PFKM: variants seen among roughly 807,000 people sequenced by gnomAD.
PFKM encodes phosphofructokinase, muscle, also known as ATP-dependent 6-phosphofructokinase, muscle type.
A neutral mutation model predicts 95.5 loss-of-function variants in PFKM; 58 were observed. That is an observed-to-expected ratio of 0.61 (90% confidence interval 0.49 to 0.76). PFKM has a LOEUF of 0.76. Among genes scored for constraint, PFKM ranks in the 30% least tolerant of loss-of-function variants. PFKM has a pLI of 0.00. For missense variants in PFKM, 678 were observed against 1,005.4 expected (o/e 0.67, Z 4.40); for synonymous variants, 336 against 357.2 (o/e 0.94, Z 0.67).
intron 10 of PFKM, among the ~76,000 whole-genome samples, chr12:48,136,468 G>A (rs563463425): frequency 6.6e-6 from 1 of 152,214 alleles, no homozygotes; most frequent in South Asian, 2.1e-4. Context: ...GGGATAAAGC[G>A]ACTATGAACA....
intron 20 of PFKM, 104 bp from the exon 21 acceptor site, chr12:48,144,927 C>A: frequency 1.2e-6 from 1 of 832,786 alleles, no homozygotes; most frequent in Non-Finnish European, 2.0e-6. Flanking sequence ...CTGTTTTGGG[C>A]TGTAAGCCTG....
At chr12:48,141,622 C>T (rs1055003377) in intron 15 of PFKM, 118 bp from the exon 16 acceptor site, 1 of 875,734 alleles carries the variant, frequency 1.1e-6, no homozygotes, top group East Asian at 2.4e-5. Flanking sequence ...GAGGGCGGCA[C>T]AGGTCAAGAA....
At chr12:48,132,688 T>TATG (rs2135880956) in intron 4 of PFKM, 180 bp from the exon 5 acceptor site, 1 of 651,816 alleles carries the variant, frequency 1.5e-6, no homozygotes, top group African/African-American at 1.8e-5. Context: ...GGAATGACCC[T>TATG]ATGATGCCTC....
chr12:48,133,895 G>A (rs1055734192), intron 6 of PFKM, among the ~76,000 whole-genome samples: 1 of 152,172 alleles, frequency 6.6e-6, no homozygotes, highest in South Asian at 2.1e-4. Context: ...GAGGATAGAA[G>A]GGTAACAGTT....
upstream of PFKM, among the ~76,000 whole-genome samples, chr12:48,116,965 T>C (rs1200584150): frequency 6.6e-6 from 1 of 152,254 alleles, no homozygotes; most frequent in Non-Finnish European, 1.5e-5. Flanking sequence ...GTATCTGTTA[T>C]AGCATCATAC....
chr12:48,127,728 G>A (rs73302829), intron 2 of PFKM, among the ~76,000 whole-genome samples: 1,656 of 152,234 alleles, frequency 0.011, 41 homozygotes, highest in African/African-American at 0.038. Flanking sequence ...GATACAGATC[G>A]CATCATGTCC....
At chr12:48,113,961 G>A (rs1057467195) in intron 3 of PFKM, among the ~76,000 whole-genome samples, 9 of 152,060 alleles carry the variant, frequency 5.9e-5, no homozygotes, top group Admixed American at 2.0e-4. Context: ...TCTTTACCTC[G>A]GGTAGTTTCT....
chr12:48,142,940 C>G lies in PFKM; in HGVS notation c.1812C>G (p.Asp604Glu). The G allele has an allele frequency of 6.2e-7, 1 of 1,613,652 alleles. No homozygotes were observed. The highest frequency in any genetic ancestry group is 8.5e-7 in the Non-Finnish European group (1 of 1,179,966). ...TTGAGGAGCCCTTCACCATTCGAGA[C>G]CTGCAGGTAGCTGGCCACCCAGAGC... is the stretch of plus-strand genomic sequence containing the variant. The part of the protein sequence containing the change: ...YIFEEPFTIR[D>E]LQANVEHLVQ... Residue 604 changes from aspartate (D) to glutamate (E), a missense_variant, in exon 18 of 23, where the codon GAC becomes GAG. Coordinates refer to ENST00000359794, the MANE Select transcript of PFKM (RefSeq NM_000289.6).
intron 3 of PFKM, among the ~76,000 whole-genome samples, chr12:48,110,605 G>A (rs555956604): frequency 5.9e-5 from 9 of 152,292 alleles, no homozygotes; most frequent in Middle Eastern, 3.4e-3. Context: ...CTGGCCTGAT[G>A]TCTTTCTGCT....
intron 2 of PFKM, among the ~76,000 whole-genome samples, chr12:48,125,022 T>G (rs1948683889): frequency 6.6e-6 from 1 of 152,144 alleles, no homozygotes; most frequent in African/African-American, 2.4e-5. Flanking sequence ...GGTCACAGCT[T>G]TGTCATTCTC....
At chr12:48,127,400 A>T (rs1385845686) in intron 2 of PFKM, among the ~76,000 whole-genome samples, 1 of 152,014 alleles carries the variant, frequency 6.6e-6, no homozygotes, top group Non-Finnish European at 1.5e-5. Context: ...TGAATGTATC[A>T]CCCCCACTGC....
Position 48,145,438 on chromosome 12 carries a change from C to T in PFKM, c.2198+123C>T. 7.8e-7 allele frequency: 1 copy of T among 1,281,976 alleles called. No homozygotes were observed. Among genetic ancestry groups the T allele is most frequent in the South Asian group, 1.2e-5 (1 of 81,458 alleles). 79.4% of individuals were successfully genotyped at this position (1,281,976 alleles called of 1,614,324 possible). Reference sequence around the variant, plus strand: ...AAGGAGTAACACCTGTATTCTTACCCATTTCAGATGTGATGCACATGTCCT... The same window carrying T: ...AAGGAGTAACACCTGTATTCTTACCTATTTCAGATGTGATGCACATGTCCT... On this transcript the variant is annotated intron_variant, in intron 22 of 22. Transcript: ENST00000359794. The surrounding 1 kb of genome is among the most constrained non-coding windows in gnomAD (Gnocchi z 4.3).
chr12:48,144,015 G>A, intron 19 of PFKM, 31 bp from the exon 20 acceptor site: 1 of 1,469,208 alleles, frequency 6.8e-7, no homozygotes, highest in Non-Finnish European at 9.5e-7. Context: ...GCCAACCACA[G>A]AGTCACAGGC....
chr12:48,135,075 A>G (rs1208281783), intron 9 of PFKM, 37 bp downstream of exon 9: 2 of 1,471,422 alleles, frequency 1.4e-6, no homozygotes, highest in Admixed American at 1.7e-5. Context: ...CTTAGAATCC[A>G]TAGCCCATTC....
At position 48,145,614 on chromosome 12, in the gene PFKM, A is replaced by G. The variant is rs1174677267; in HGVS notation, c.2249A>G (p.Lys750Arg). The change falls in exon 23 of 23, where the codon AAA becomes AGA. Residue 750 changes from lysine (K) to arginine (R), a missense_variant. Coordinates refer to ENST00000359794, the MANE Select transcript of PFKM (RefSeq NM_000289.6). The surrounding 1 kb of genome is among the most constrained non-coding windows in gnomAD (Gnocchi z 4.3). ...TGGCTGAAACTGAGGCCCATCCTCA[A>G]AATCCTAGCCAAGTACGAGATTGAC... ...QWWLKLRPILKILAKYEIDLD... is the reference protein window; with the variant it reads ...QWWLKLRPILRILAKYEIDLD... 1 of 1,614,136 alleles carries G rather than the reference A, an allele frequency of 6.2e-7. No individual in the cohort carries two copies. The highest frequency in any genetic ancestry group is 1.3e-5 in the African/African-American group (1 of 75,022).
rs578199434 is a variant in PFKM at position 48,122,511 on chromosome 12, A to G, written c.-8-256A>G. The G allele has an allele frequency of 6.5e-5, 75 of 1,151,686 alleles. 1 individual carries two copies. In the South Asian group the frequency reaches 1.1e-3, roughly 17 times the overall value. 71.3% of individuals were successfully genotyped at this position (1,151,686 alleles called of 1,614,324 possible). On this transcript the variant is annotated intron_variant, in intron 1 of 22. Transcript: ENST00000359794. ...TAGTTTATTCCCCAAATAGGTTCCA[A>G]TTGGGGTGGGAGGGATCAGGGAGGA...
At chr12:48,116,340 G>T (rs1268058746), upstream of PFKM, among the ~76,000 whole-genome samples, 2 of 149,964 alleles carry the variant, frequency 1.3e-5, no homozygotes, top group East Asian at 2.0e-4. Context: ...TAATGGATAT[G>T]AAGTAGTATT....
chr12:48,124,449 T>C (rs1475012312), intron 2 of PFKM, among the ~76,000 whole-genome samples: 1 of 152,182 alleles, frequency 6.6e-6, no homozygotes, highest in Non-Finnish European at 1.5e-5. Context: ...GAAAGCCTGC[T>C]AAACAAACCA....
At chr12:48,109,492 T>C (rs1268786687) in intron 3 of PFKM, among the ~76,000 whole-genome samples, 2 of 152,194 alleles carry the variant, frequency 1.3e-5, no homozygotes, top group Non-Finnish European at 2.9e-5. Context: ...TTTCCTATTG[T>C]TTATTGAATT....
Sources: allele counts gnomAD v4.1 joint callset (sites outside exome capture counted in the v4.1 genomes callset), GRCh38; gene constraint gnomAD v4.1.1; non-coding constraint Gnocchi (gnomAD v3.1); transcripts MANE v1.5; gene names NCBI Gene and HGNC (gene_info 2026-07-23, HGNC 2026-07-21).